Variants in COL21A1 observed in about 807,000 individuals in gnomAD.
COL21A1 encodes collagen alpha-1(XXI) chain.
Under a neutral mutation model 137.9 loss-of-function variants are expected in COL21A1, and 149 were observed. The observed-to-expected ratio is 1.08, with a 90% CI of 0.95 to 1.24. COL21A1 has a LOEUF of 1.24. Ranked by LOEUF, COL21A1 falls within the 50% of genes most tolerant of loss-of-function variation. The pLI, the probability that COL21A1 is intolerant of heterozygous loss-of-function variation, is 0.00. For missense variants in COL21A1, 1,167 were observed against 1,158.4 expected (o/e 1.01, Z -0.11); for synonymous variants, 456 against 391.5 (o/e 1.16, Z -1.95).
intron 1 of COL21A1, among the ~76,000 whole-genome samples, chr6:56,203,861 G>C (rs1420475020): frequency 6.6e-6 from 1 of 152,284 alleles, no homozygotes; most frequent in East Asian, 1.9e-4. Context: ...GGAAGTGCAA[G>C]GGGTCAGGGG....
intron 1 of COL21A1, among the ~76,000 whole-genome samples, chr6:56,366,601 G>A (rs1054038247): frequency 6.6e-6 from 1 of 152,164 alleles, no homozygotes; most frequent in Non-Finnish European, 1.5e-5. Flanking sequence ...AGATCTTGTG[G>A]AGCTCTGCCC....
At chr6:56,106,690 AAG>A (rs770917513) in intron 16 of COL21A1, among the ~76,000 whole-genome samples, 1 of 152,216 alleles carries the variant, frequency 6.6e-6, no homozygotes, top group Non-Finnish European at 1.5e-5. Flanking sequence ...AGAGAACAAA[AAG>A]AAAAAAATAA....
At chr6:56,113,365 GC>G (rs1196320624) in intron 16 of COL21A1, among the ~76,000 whole-genome samples, 2 of 152,132 alleles carry the variant, frequency 1.3e-5, no homozygotes, top group African/African-American at 4.8e-5. Context: ...TACCAGCTCA[GC>G]CACAGCAGGA....
chr6:56,389,407 A>T (rs79917148), intron 1 of COL21A1, among the ~76,000 whole-genome samples: 5 of 137,254 alleles, frequency 3.6e-5, no homozygotes, highest in Admixed American at 7.1e-5. Context: ...AGAAAAAATT[A>T]AAAAAAAAAA....
intron 1 of COL21A1, among the ~76,000 whole-genome samples, chr6:56,288,144 C>T (rs968669092): frequency 3.3e-5 from 5 of 151,894 alleles, no homozygotes; most frequent in African/African-American, 4.8e-5. Context: ...TACAGGTCCC[C>T]GTACAAACAT....
rs565188899 is a variant in COL21A1 at position 56,333,451 on chromosome 6, T to C, written c.-39+60520A>G. On this transcript the variant is annotated intron_variant, in intron 1 of 28. Transcript: ENST00000370819. ...ATTATTCTGAGATTTATCCATATTGTAATGTATATCAATAGTTTATTAATT... is the reference window on the plus strand; with the variant it reads ...ATTATTCTGAGATTTATCCATATTGCAATGTATATCAATAGTTTATTAATT... 4.6e-5 allele frequency among the ~76,000 whole-genome samples: 7 copies of C among 152,262 alleles called. No individual in the cohort carries two copies. In the South Asian group the frequency reaches 1.4e-3, roughly 32 times the overall value.
intron 13 of COL21A1, 149 bp downstream of exon 13, chr6:56,125,947 T>C (rs1002217803): frequency 4.9e-5 from 26 of 532,388 alleles, no homozygotes; most frequent in Middle Eastern, 5.1e-4. Context: ...TAAAGTTTTA[T>C]ATAAACTAAT....
intron 1 of COL21A1, chr6:56,331,980 A>G (rs1480470342): frequency 6.6e-6 from 1 of 152,146 alleles, no homozygotes. Flanking sequence ...AACACTAAAT[A>G]TACTCATTTA....
At chr6:56,354,709 C>G (rs1419020460) in intron 1 of COL21A1, among the ~76,000 whole-genome samples, 1 of 152,058 alleles carries the variant, frequency 6.6e-6, no homozygotes, top group African/African-American at 2.4e-5. Context: ...TGGCAAGATC[C>G]CGACTCAAAA....
intron 1 of COL21A1, among the ~76,000 whole-genome samples, chr6:56,277,480 C>T (rs984465944): frequency 3.3e-5 from 5 of 152,214 alleles, no homozygotes; most frequent in African/African-American, 1.2e-4. Context: ...AGCTAGCATA[C>T]ATCACTCTAG....
At chr6:56,280,188 C>G (rs1763759022) in intron 1 of COL21A1, among the ~76,000 whole-genome samples, 1 of 152,068 alleles carries the variant, frequency 6.6e-6, no homozygotes, top group South Asian at 2.1e-4. Flanking sequence ...TCTAGGACAC[C>G]TAATTTCAGT....
chr6:56,326,516 G>A (rs77270306), intron 1 of COL21A1, among the ~76,000 whole-genome samples: 8,805 of 151,814 alleles, frequency 0.058, 324 homozygotes, highest in Non-Finnish European at 0.083. Context: ...TTAGACTCTC[G>A]AATCTTGCCA....
chr6:56,089,526 T>C (rs1040293302), intron 17 of COL21A1, among the ~76,000 whole-genome samples: 3 of 152,226 alleles, frequency 2.0e-5, no homozygotes, highest in Non-Finnish European at 2.9e-5. Context: ...AAAAAATTTT[T>C]CACTATATGT....
intron 17 of COL21A1, among the ~76,000 whole-genome samples, chr6:56,086,723 T>C (rs981038200): frequency 6.6e-5 from 10 of 152,124 alleles, no homozygotes; most frequent in African/African-American, 9.7e-5. Context: ...CACTGTAATT[T>C]CTGCCCGATT....
At chr6:56,153,294 C>A (rs575000822) in intron 10 of COL21A1, among the ~76,000 whole-genome samples, 73 of 152,226 alleles carry the variant, frequency 4.8e-4, no homozygotes, top group Non-Finnish European at 8.2e-4. Context: ...TGACTTCTGT[C>A]TCATATAAAG....
intron 22 of COL21A1, among the ~76,000 whole-genome samples, chr6:56,068,231 C>A (rs1047579309): frequency 2.0e-5 from 3 of 151,386 alleles, no homozygotes; most frequent in Non-Finnish European, 3.0e-5. Context: ...ACCATGTAGA[C>A]AACACATGAG....
intron 1 of COL21A1, among the ~76,000 whole-genome samples, chr6:56,320,330 T>C (rs1447337623): frequency 6.6e-6 from 1 of 152,066 alleles, no homozygotes; most frequent in African/African-American, 2.4e-5. Context: ...CTTACATCAG[T>C]GTGAAGCCTC....
intron 1 of COL21A1, among the ~76,000 whole-genome samples, chr6:56,303,256 A>G (rs577147773): frequency 2.6e-5 from 4 of 152,286 alleles, no homozygotes; most frequent in South Asian, 4.1e-4. Context: ...GTTTTTTCCA[A>G]TTCTGTGAAG....
Position 56,059,543 on chromosome 6 carries a change from A to T in COL21A1, c.2609-301T>A, listed in dbSNP as rs182023401. On this transcript the variant is annotated intron_variant, in intron 28 of 29. Coordinates refer to ENST00000244728, the MANE Select transcript of COL21A1 (RefSeq NM_030820.4). The stretch of plus-strand genomic sequence containing the variant: ...TTTATGAAACATCTAAATTGCTTAT[A>T]TACTATTAAACAAAAAGGAAAGAAT... Among the ~76,000 whole-genome samples, 555 of 152,316 alleles carry T rather than the reference A, an allele frequency of 3.6e-3. 7 individuals are homozygous for T. Among genetic ancestry groups the T allele is most frequent in the African/African-American group, 0.013 (528 of 41,572 alleles).
Sources: allele counts gnomAD v4.1 joint callset (sites outside exome capture counted in the v4.1 genomes callset), GRCh38; gene constraint gnomAD v4.1.1; transcripts MANE v1.5; gene names NCBI Gene and HGNC (gene_info 2026-07-23, HGNC 2026-07-21).